The following MPP7 variants were observed in gnomAD, a reference collection of about 807,000 sequenced individuals.
The protein encoded by MPP7 is MAGUK p55 subfamily member 7.
Under a neutral mutation model 76.5 loss-of-function variants are expected in MPP7, and 60 were observed. The observed-to-expected ratio is 0.78, with a 90% CI of 0.64 to 0.97. The LOEUF is 0.97. MPP7 is among the 50% of genes least tolerant of loss of function. The probability of loss-of-function intolerance (pLI) is 0.00; values close to 1 mark genes in which losing one functional copy is unlikely to be tolerated. For missense variants in MPP7, 641 were observed against 694.0 expected, an observed-to-expected ratio of 0.92 and a Z score of 0.86; for synonymous variants, 237 against 244.5, an observed-to-expected ratio of 0.97 and a Z score of 0.29.
At chr10:28,097,038 G>T (rs965698888) in intron 11 of MPP7, among the ~76,000 whole-genome samples, 1 of 152,072 alleles carries the variant, frequency 6.6e-6, no homozygotes, top group African/African-American at 2.4e-5. Context: ...CATCCAGGCT[G>T]AAGTAAAGTG....
chr10:28,155,257 A>G (rs565921878), intron 3 of MPP7, among the ~76,000 whole-genome samples: 1 of 152,266 alleles, frequency 6.6e-6, no homozygotes, highest in East Asian at 1.9e-4. Flanking sequence ...TGGGTGATTT[A>G]TGCTAAAGGA....
At chr10:28,130,647 G>A (rs1463098077) in intron 6 of MPP7, among the ~76,000 whole-genome samples, 2 of 152,144 alleles carry the variant, frequency 1.3e-5, no homozygotes, top group African/African-American at 2.4e-5. Context: ...TTCTCTCTGT[G>A]TGTTTTTCAT....
chr10:28,269,136 T>C (rs1840240813), intron 1 of MPP7, among the ~76,000 whole-genome samples: 1 of 152,202 alleles, frequency 6.6e-6, no homozygotes, highest in East Asian at 1.9e-4. Flanking sequence ...ATATAAATAC[T>C]TTACGTCTCT....
chr10:28,097,757 A>G (rs1853637545), intron 11 of MPP7, among the ~76,000 whole-genome samples: 1 of 152,228 alleles, frequency 6.6e-6, no homozygotes, highest in Non-Finnish European at 1.5e-5. Flanking sequence ...ATAAGGAAAT[A>G]AGGAAACACA....
intron 2 of MPP7, among the ~76,000 whole-genome samples, chr10:28,324,742 T>C (rs2133187471): frequency 6.6e-6 from 1 of 152,334 alleles, no homozygotes; most frequent in South Asian, 2.1e-4. Flanking sequence ...ATGTAATTAA[T>C]TTTTCCTATT....
At chr10:28,282,171 G>C (rs753074702) in intron 1 of MPP7, 2 of 152,028 alleles carry the variant, frequency 1.3e-5, no homozygotes, top group Admixed American at 6.5e-5. Context: ...CATTATCACA[G>C]ACAGCTGTGT....
At chr10:28,172,676 A>T (rs1425099898) in intron 3 of MPP7, among the ~76,000 whole-genome samples, 1 of 152,256 alleles carries the variant, frequency 6.6e-6, no homozygotes, top group East Asian at 1.9e-4. Context: ...TTTCTGAGCT[A>T]TAGAAATTAC....
Position 28,257,415 on chromosome 10 carries a change from A to G in MPP7, c.-131-18680T>C, listed in dbSNP as rs540802123. ...AGAAAACCTTCTCAGATATCTTCATAGAAAATAAAGCTTGTTCATGTCCTT... is the reference window on the plus strand; with the variant it reads ...AGAAAACCTTCTCAGATATCTTCATGGAAAATAAAGCTTGTTCATGTCCTT... On this transcript the variant is annotated intron_variant, in intron 1 of 16. Transcript: ENST00000683449. Among the ~76,000 whole-genome samples, 35 of 152,210 alleles carry G rather than the reference A, an allele frequency of 2.3e-4. 1 individual carries two copies. Among genetic ancestry groups the G allele is most frequent in the African/African-American group, 8.2e-4 (34 of 41,534 alleles).
rs567404928 is a variant in MPP7 at position 28,105,027 on chromosome 10, C to T, written c.952+14624G>A. Reference sequence around the variant, plus strand: ...GAGTTGAATGGAGTGAATAGCTGTACTCTATAATCCCAGCTAGTCGGGAGG... The same window carrying T: ...GAGTTGAATGGAGTGAATAGCTGTATTCTATAATCCCAGCTAGTCGGGAGG... On this transcript the variant is annotated intron_variant, in intron 11 of 16. Coordinates refer to ENST00000683449, the MANE Select transcript of MPP7 (RefSeq NM_001318170.2). Among the ~76,000 whole-genome samples the T allele has an allele frequency of 9.2e-5, 14 of 151,768 alleles. No homozygotes were observed. The South Asian group carries it at 2.9e-3, about 32-fold the overall frequency.
At chr10:28,094,763 A>G (rs535770776) in intron 11 of MPP7, among the ~76,000 whole-genome samples, 3 of 152,318 alleles carry the variant, frequency 2.0e-5, no homozygotes, top group Non-Finnish European at 2.9e-5. Context: ...GTAGATGCCT[A>G]AAGTACCTTA....
chr10:28,119,069 A>AG, intron 11 of MPP7: 1 of 985,334 alleles, frequency 1.0e-6, no homozygotes, highest in Non-Finnish European at 1.2e-6. Context: ...AGGCTGAAAG[A>AG]GAAAAAAAAG....
chr10:28,069,674 A>C (rs9731021), intron 13 of MPP7, 98 bp downstream of exon 13: 2 of 1,027,200 alleles, frequency 1.9e-6, no homozygotes, highest in Non-Finnish European at 2.8e-6. Context: ...TACCCAAAAA[A>C]TTTTAAAAAC....
intron 2 of MPP7, among the ~76,000 whole-genome samples, chr10:28,327,522 T>C (rs1834428747): frequency 6.6e-6 from 1 of 152,196 alleles, no homozygotes; most frequent in African/African-American, 2.4e-5. Flanking sequence ...AACTTTTGAT[T>C]TTTTTTAATT....
At chr10:28,243,537 T>G (rs528218418) in intron 1 of MPP7, among the ~76,000 whole-genome samples, 1 of 152,294 alleles carries the variant, frequency 6.6e-6, no homozygotes, top group Non-Finnish European at 1.5e-5. Context: ...GATTGATCAA[T>G]GGATTTAAAG....
intron 2 of MPP7, among the ~76,000 whole-genome samples, chr10:28,222,545 G>A (rs913621913): frequency 1.3e-5 from 2 of 151,574 alleles, no homozygotes; most frequent in African/African-American, 4.8e-5. Context: ...TTGTGGCAAT[G>A]AATATTACAA....
chr10:28,105,833 G>A (rs898310553), intron 11 of MPP7, among the ~76,000 whole-genome samples: 2 of 152,018 alleles, frequency 1.3e-5, no homozygotes, highest in African/African-American at 4.8e-5. Flanking sequence ...TATTAACATC[G>A]GGAAATGAAG....
intron 2 of MPP7, among the ~76,000 whole-genome samples, chr10:28,211,985 C>T (rs996372936): frequency 2.0e-5 from 3 of 152,032 alleles, no homozygotes; most frequent in Non-Finnish European, 2.9e-5. Flanking sequence ...CGCAGTGGCT[C>T]GCCTATAATC....
intron 11 of MPP7, among the ~76,000 whole-genome samples, chr10:28,108,363 A>G (rs1262775051): frequency 6.6e-6 from 1 of 152,150 alleles, no homozygotes; most frequent in Non-Finnish European, 1.5e-5. Flanking sequence ...TGATCTCTAA[A>G]TGTGTTTCTG....
At chr10:28,092,653 T>A (rs7897447) in intron 11 of MPP7, among the ~76,000 whole-genome samples, 52,708 of 143,984 alleles carry the variant, frequency 0.37, 11,944 homozygotes, top group East Asian at 0.94. Context: ...GCTCTCTGAA[T>A]CCTCTGCCTC....
Sources: gnomAD v4.1 joint callset for allele counts (sites outside exome capture counted in the v4.1 genomes callset) on GRCh38, gnomAD v4.1.1 for gene constraint, MANE v1.5 for transcripts, NCBI Gene and HGNC (gene_info 2026-07-23, HGNC 2026-07-21) for gene names.